Variants in MPDZ observed in about 807,000 individuals in gnomAD.
The protein encoded by MPDZ is multiple PDZ domain crumbs cell polarity complex component.
MPDZ carries 234 observed loss-of-function variants against 239.1 expected under a neutral mutation model. The observed-to-expected ratio is 0.98, with a 90% confidence interval of 0.88 to 1.09. MPDZ has a LOEUF of 1.09. MPDZ is among the 50% of genes least tolerant of loss of function. The pLI is 0.00. For synonymous variants in MPDZ, 1,048 were observed against 881.3 expected, an observed-to-expected ratio of 1.19 and a Z score of -3.35; for missense variants, 3,175 against 2,510.0, an observed-to-expected ratio of 1.26 and a Z score of -5.66.
chr9:13,190,185 C>G lies in MPDZ; in HGVS notation c.2083G>C (p.Glu695Gln), dbSNP rs1312043335. The G allele has an allele frequency of 6.2e-7, 1 of 1,613,278 alleles. No individual in the cohort carries two copies. The highest frequency in any genetic ancestry group is 8.5e-7 in the Non-Finnish European group (1 of 1,179,548). The stretch of plus-strand genomic sequence containing the variant: ...AGCTCTATGTGCTGAATGCCAGCCT[C>G]CCACATGGCCAAAGGTGCTTGAACC... Reference protein sequence around the residue: ...EEVQAPLAMWEAGIQHIELEK... With the variant: ...EEVQAPLAMWQAGIQHIELEK... Residue 695 changes from glutamate to glutamine, a missense_variant, in exon 16 of 47, where the codon GAG (glutamate) becomes CAG (glutamine). By Grantham distance (29) the Glu-to-Gln change is conservative. Transcript: ENST00000319217.
Position 13,112,151 on chromosome 9 carries a change from C to T in MPDZ, c.5602-5G>A. On this transcript the variant is annotated splice_region_variant and splice_polypyrimidine_tract_variant and intron_variant, in intron 42 of 46. Transcript: ENST00000319217. ...TCCCAGTGAGTCAGTAGGGCCCTGC[C>T]ATGGAACAGATATAAAATTTTGGTC... 6.2e-7 allele frequency: 1 copy of T among 1,603,112 alleles called. No individual in the cohort carries two copies. The highest frequency in any genetic ancestry group is 8.5e-7 in the Non-Finnish European group (1 of 1,174,652).
At chr9:13,130,922 C>T (rs1587044848) in intron 32 of MPDZ, among the ~76,000 whole-genome samples, 1 of 152,082 alleles carries the variant, frequency 6.6e-6, no homozygotes, top group African/African-American at 2.4e-5. Context: ...GGAAATGGGA[C>T]TTGGAGGCAG....
intron 1 of MPDZ, among the ~76,000 whole-genome samples, chr9:13,265,909 G>A (rs1471897287): frequency 6.6e-6 from 1 of 152,098 alleles, no homozygotes; most frequent in African/African-American, 2.4e-5. Flanking sequence ...CAATCATGCT[G>A]CTTCAACATA....
At chr9:13,186,423 G>A in intron 17 of MPDZ, 37 bp from the exon 18 acceptor site, 2 of 1,354,646 alleles carry the variant, frequency 1.5e-6, no homozygotes, top group South Asian at 1.3e-5. Context: ...AAAAGAGAGA[G>A]AACAGCAAAG....
At chr9:13,121,621 C>T in intron 38 of MPDZ, 118 bp downstream of exon 38, 1 of 1,016,974 alleles carries the variant, frequency 9.8e-7, no homozygotes, top group African/African-American at 1.6e-5. Flanking sequence ...GGGCTAACAA[C>T]AGCTACCTAC....
chr9:13,207,150 GA>G (rs1232835201), intron 10 of MPDZ, among the ~76,000 whole-genome samples: 7 of 151,864 alleles, frequency 4.6e-5, no homozygotes, highest in East Asian at 1.9e-4. Flanking sequence ...AAAAAAGAAA[GA>G]AAAAAAGTGT....
intron 1 of MPDZ, among the ~76,000 whole-genome samples, chr9:13,252,520 C>G (rs773533939): frequency 1.4e-5 from 2 of 147,682 alleles, no homozygotes; most frequent in African/African-American, 2.5e-5. Context: ...GAGCCAAGAT[C>G]GCGCCACAGC....
Position 13,122,178 on chromosome 9 carries a change from C to G in MPDZ, c.4954-8G>C. 6.2e-7 allele frequency: 1 copy of G among 1,613,392 alleles called. No homozygotes were observed. Among genetic ancestry groups the G allele is most frequent in the Non-Finnish European group, 8.5e-7 (1 of 1,179,488 alleles). On this transcript the variant is annotated splice_polypyrimidine_tract_variant and splice_region_variant and intron_variant, in intron 36 of 46. Transcript: ENST00000319217. ...ATGGATAATAATGGCACCCTAAGGG[C>G]CCAAACAAAACATACCCATACTTAT...
chr9:13,130,448 C>T (rs569412025), intron 32 of MPDZ, among the ~76,000 whole-genome samples: 1 of 1,040 alleles, frequency 9.6e-4, no homozygotes, highest in African/African-American at 1.1e-3. Context: ...TCTTCCTTCG[C>T]AGATACTTAC....
intron 32 of MPDZ, among the ~76,000 whole-genome samples, chr9:13,129,464 AAAAT>A (rs144016881): frequency 0.054 from 8,168 of 150,986 alleles, 672 homozygotes; most frequent in African/African-American, 0.17. Context: ...CTCAGTCTCA[AAAAT>A]AAATAAATAA....
intron 1 of MPDZ, among the ~76,000 whole-genome samples, chr9:13,254,941 T>C (rs1330541692): frequency 6.6e-6 from 1 of 152,146 alleles, no homozygotes; most frequent in Non-Finnish European, 1.5e-5. Context: ...AAGACAACAA[T>C]GAGCTTTGCC....
At chr9:13,209,292 G>A (rs1221126347) in intron 10 of MPDZ, among the ~76,000 whole-genome samples, 1 of 152,026 alleles carries the variant, frequency 6.6e-6, no homozygotes, top group African/African-American at 2.4e-5. Flanking sequence ...GTGCATACAA[G>A]CACACACACA....
At chr9:13,116,085 A>T (rs1334413523) in intron 39 of MPDZ, among the ~76,000 whole-genome samples, 1 of 152,180 alleles carries the variant, frequency 6.6e-6, no homozygotes, top group Non-Finnish European at 1.5e-5. Context: ...GTGCCTGAAT[A>T]GACTTATGAT....
intron 24 of MPDZ, among the ~76,000 whole-genome samples, chr9:13,153,399 G>C (rs1949440219): frequency 6.6e-6 from 1 of 152,104 alleles, no homozygotes; most frequent in African/African-American, 2.4e-5. Context: ...CAGAAATTCT[G>C]TGACAGAAAA....
At chr9:13,117,530 C>CG (rs1943664635) in intron 39 of MPDZ, among the ~76,000 whole-genome samples, 1 of 135,234 alleles carries the variant, frequency 7.4e-6, no homozygotes, top group East Asian at 2.2e-4. Flanking sequence ...GACTCCGTCT[C>CG]AAAAAAAAAA....
intron 3 of MPDZ, among the ~76,000 whole-genome samples, chr9:13,225,902 G>A (rs1020367642): frequency 6.6e-6 from 1 of 151,926 alleles, no homozygotes; most frequent in Non-Finnish European, 1.5e-5. Flanking sequence ...TCTGCACTAC[G>A]CATCTCTTCC....
At chr9:13,107,187 C>G in intron 46 of MPDZ, 76 bp from the exon 47 acceptor site, 1 of 1,451,948 alleles carries the variant, frequency 6.9e-7, no homozygotes, top group South Asian at 1.5e-5. Flanking sequence ...AAGATCTCAA[C>G]AGGAATGTAA....
At chr9:13,125,931 T>C (rs1369528441) in intron 34 of MPDZ, among the ~76,000 whole-genome samples, 2 of 152,216 alleles carry the variant, frequency 1.3e-5, no homozygotes, top group Non-Finnish European at 2.9e-5. Flanking sequence ...TTTAAGCTTC[T>C]TACTGTACAA....
At chr9:13,165,246 T>C (rs1950932556) in intron 22 of MPDZ, 2 of 938,638 alleles carry the variant, frequency 2.1e-6, no homozygotes, top group African/African-American at 1.7e-5. Context: ...ATCTAAAATG[T>C]ATATACAAAA....
Sources: allele counts gnomAD v4.1 joint callset (sites outside exome capture counted in the v4.1 genomes callset), GRCh38; gene constraint gnomAD v4.1.1; transcripts MANE v1.5; gene names NCBI Gene and HGNC (gene_info 2026-07-23, HGNC 2026-07-21).